Variants in FNDC8 observed in about 807,000 individuals in gnomAD.
FNDC8 encodes fibronectin type III domain-containing protein 8.
FNDC8 carries 23 observed loss-of-function variants against 24.8 expected under a neutral mutation model. That is an observed-to-expected ratio of 0.93 (90% CI 0.67 to 1.31). The LOEUF (loss-of-function observed/expected upper bound fraction) is 1.31. Ranked by LOEUF, FNDC8 falls within the 40% of genes most tolerant of loss-of-function variation. FNDC8 has a pLI of 0.00. For missense variants in FNDC8, 371 were observed against 398.2 expected, an observed-to-expected ratio of 0.93 and a Z score of 0.58; for synonymous variants, 158 against 165.3, an observed-to-expected ratio of 0.96 and a Z score of 0.34.
In FNDC8 at chr17:35,130,465, C is replaced by T; in HGVS notation, c.*31C>T. 6.2e-7 allele frequency: 1 copy of T among 1,602,200 alleles called. No homozygotes were observed. The highest frequency in any genetic ancestry group is 8.5e-7 in the Non-Finnish European group (1 of 1,173,456). On this transcript the variant is annotated 3_prime_UTR_variant, in exon 4 of 4. Transcript: ENST00000158009. ...AGGGCCCCAGGACACCCCTCACCTA[C>T]TTTCAGCTTCAACCCCAGGCCCTCA... is the stretch of plus-strand genomic sequence containing the variant.
At chr17:35,122,183 TA>T (rs1567738458) in intron 1 of FNDC8, among the ~76,000 whole-genome samples, 4 of 25,454 alleles carry the variant, frequency 1.6e-4, no homozygotes, top group African/African-American at 8.2e-4. Context: ...TATATATATA[TA>T]TATATATATA....
At position 35,121,738 on chromosome 17, in the gene FNDC8, T is replaced by C. The variant is rs1270473361; in HGVS notation, c.45T>C (p.Ala15=). ...ALHQVGDGEE[A]VLKKENFNMM... is the part of the protein sequence containing the mutation. The stretch of plus-strand genomic sequence containing the variant: ...ATCAAGTGGGAGATGGGGAGGAGGC[T>C]GTACTGAAGAAAGAAAACTTCAACA... The change falls in exon 1 of 4, where the codon GCT becomes GCC. Residue 15 remains alanine, a synonymous_variant. Coordinates refer to ENST00000158009, the MANE Select transcript of FNDC8 (RefSeq NM_017559.4). 4 of 1,613,854 alleles carry C rather than the reference T, an allele frequency of 2.5e-6. No individual in the cohort carries two copies. In the Admixed American group the frequency reaches 5.0e-5, roughly 20 times the overall value.
Position 35,121,732 on chromosome 17 carries a change from G to A in FNDC8, c.39G>A (p.Glu13=), listed in dbSNP as rs946397453. The A allele has an allele frequency of 1.9e-6, 3 of 1,613,898 alleles. No homozygotes were observed. Among genetic ancestry groups the A allele is most frequent in the Admixed American group, 3.3e-5 (2 of 59,994 alleles). The change falls in exon 1 of 4, where the codon GAG becomes GAA. Residue 13 remains glutamate, a synonymous_variant. Coordinates refer to ENST00000158009, the MANE Select transcript of FNDC8 (RefSeq NM_017559.4). Reference sequence around the variant, plus strand: ...CACTCCATCAAGTGGGAGATGGGGAGGAGGCTGTACTGAAGAAAGAAAACT... The same window carrying A: ...CACTCCATCAAGTGGGAGATGGGGAAGAGGCTGTACTGAAGAAAGAAAACT... The part of the protein sequence containing the change: ...SEALHQVGDG[E]EAVLKKENFN...
intron 1 of FNDC8, among the ~76,000 whole-genome samples, 196 bp from the exon 2 acceptor site, chr17:35,126,846 G>A (rs963615789): frequency 6.6e-6 from 1 of 152,206 alleles, no homozygotes; most frequent in Non-Finnish European, 1.5e-5. Context: ...GCTAACTGGG[G>A]ACCAGGGACT....
At chr17:35,123,853 G>A (rs1246746167) in intron 1 of FNDC8, among the ~76,000 whole-genome samples, 1 of 152,224 alleles carries the variant, frequency 6.6e-6, no homozygotes, top group East Asian at 1.9e-4. Flanking sequence ...TCAGGAGGAG[G>A]AGATGTTCAG....
intron 1 of FNDC8, among the ~76,000 whole-genome samples, chr17:35,122,544 G>A (rs901888574): frequency 1.4e-4 from 22 of 152,022 alleles, no homozygotes; most frequent in African/African-American, 5.1e-4. Context: ...TAGTCAGTTT[G>A]TTGACAGTGC....
chr17:35,126,806 T>G (rs545379975), intron 1 of FNDC8, among the ~76,000 whole-genome samples: 1 of 152,340 alleles, frequency 6.6e-6, no homozygotes, highest in East Asian at 1.9e-4. Context: ...AGCCAGGATC[T>G]TATTAAAGAT....
chr17:35,122,210 A>ATATATATATT (rs1567738668), intron 1 of FNDC8, among the ~76,000 whole-genome samples: 3 of 44,798 alleles, frequency 6.7e-5, no homozygotes, highest in Non-Finnish European at 1.3e-4. Flanking sequence ...ATATATATAA[A>ATATATATATT]TTTTTTTTTT....
At position 35,127,239 on chromosome 17, in the gene FNDC8, C is replaced by T. The variant is rs139338261; in HGVS notation, c.407C>T (p.Ala136Val). Residue 136 changes from alanine to valine, a missense_variant, in exon 2 of 4, where the codon GCG (alanine) becomes GTG (valine). Physicochemically the swap from Ala to Val is moderately conservative, Grantham distance 64 (BLOSUM62 0). Coordinates refer to ENST00000158009, the MANE Select transcript of FNDC8 (RefSeq NM_017559.4). ...AAGAATGCAGAAAATGAGGACCTGG[C>T]GCTCGGCCCCTGCCCATGCCCATCG... is the stretch of plus-strand genomic sequence containing the variant. Reference protein sequence around the residue: ...MAKNAENEDLALGPCPCPSKS... With the variant: ...MAKNAENEDLVLGPCPCPSKS... The T allele has an allele frequency of 6.2e-5, 100 of 1,613,432 alleles. No homozygotes were observed. The highest frequency in any genetic ancestry group is 3.7e-4 in the Admixed American group (22 of 59,936).
At chr17:35,125,047 CAAA>C (rs60189697) in intron 1 of FNDC8, among the ~76,000 whole-genome samples, 5 of 62,488 alleles carry the variant, frequency 8.0e-5, no homozygotes, top group Non-Finnish European at 7.2e-5. Flanking sequence ...GACTCCAGCT[CAAA>C]AAAAAAAAAA....
chr17:35,130,524 G>A lies in FNDC8; in HGVS notation c.*90G>A, dbSNP rs978826820. On this transcript the variant is annotated 3_prime_UTR_variant, in exon 4 of 4. Coordinates refer to ENST00000158009, the MANE Select transcript of FNDC8 (RefSeq NM_017559.4). Reference sequence around the variant, plus strand: ...AGCCATGAGACCTACCATACCACCAGCACCCTGCGGGCCCGGGGTCTGGCA... The same window carrying A: ...AGCCATGAGACCTACCATACCACCAACACCCTGCGGGCCCGGGGTCTGGCA... 9 of 1,372,614 alleles carry A rather than the reference G, an allele frequency of 6.6e-6. No individual in the cohort carries two copies. The Admixed American group carries it at 1.8e-4, about 27-fold the overall frequency. 85.0% of individuals were successfully genotyped at this position (1,372,614 alleles called of 1,614,324 possible).
At position 35,130,405 on chromosome 17, in the gene FNDC8, G is replaced by A; in HGVS notation, c.946G>A (p.Glu316Lys). 6.2e-7 allele frequency: 1 copy of A among 1,614,084 alleles called. No individual in the cohort carries two copies. The highest frequency in any genetic ancestry group is 8.5e-7 in the Non-Finnish European group (1 of 1,179,994). The change falls in exon 4 of 4, where the codon GAG becomes AAG. Residue 316 changes from glutamate (E) to lysine (K), a missense_variant. By Grantham distance (56) the Glu-to-Lys change is moderately conservative. Transcript: ENST00000158009. The stretch of plus-strand genomic sequence containing the variant: ...CGGGCCGGAGGAGATGCGGAGGCTG[G>A]AGGATCTGGAATACCTATTTCCCTG... ...SIGPEEMRRLEDLEYLFPC is the reference protein window; with the variant it reads ...SIGPEEMRRLKDLEYLFPC
chr17:35,125,695 C>T (rs2091846316), intron 1 of FNDC8, among the ~76,000 whole-genome samples: 1 of 152,098 alleles, frequency 6.6e-6, no homozygotes, highest in Non-Finnish European at 1.5e-5. Flanking sequence ...CTTTACTGTA[C>T]TCATTACTTG....
intron 3 of FNDC8, chr17:35,129,948 G>C: frequency 7.3e-7 from 1 of 1,373,900 alleles, no homozygotes. Context: ...GCCCATGATT[G>C]TGAGTAGGCT....
Position 35,125,596 on chromosome 17 carries a change from G to A in FNDC8, c.210-1446G>A, listed in dbSNP as rs190586052. Among the ~76,000 whole-genome samples the A allele has an allele frequency of 8.9e-4, 135 of 152,262 alleles. 1 individual carries two copies. Among genetic ancestry groups the A allele is most frequent in the Middle Eastern group, 6.8e-3 (2 of 294 alleles). The stretch of plus-strand genomic sequence containing the variant: ...TTTTATTTGTACAACATCTACAAAC[G>A]TGAAAAATAATAGATCTTGCCTAGG... On this transcript the variant is annotated intron_variant, in intron 1 of 3. Coordinates refer to ENST00000158009, the MANE Select transcript of FNDC8 (RefSeq NM_017559.4).
intron 1 of FNDC8, among the ~76,000 whole-genome samples, chr17:35,122,210 A>T (rs67396775): frequency 0.42 from 18,690 of 44,580 alleles, 5,523 homozygotes; most frequent in Admixed American, 0.62. Flanking sequence ...ATATATATAA[A>T]TTTTTTTTTT....
In FNDC8 at chr17:35,130,587, G is replaced by A. The variant is rs546727046; in HGVS notation, c.*153G>A. 5.1e-6 allele frequency: 4 copies of A among 790,538 alleles called. No homozygotes were observed. The African/African-American group carries it at 7.0e-5, about 14-fold the overall frequency. 49.0% of individuals were successfully genotyped at this position (790,538 alleles called of 1,614,324 possible). A position where few individuals can be genotyped will look rare whatever the true frequency, so the allele number is the denominator to read the frequency against. ...CACCCCACCCCTGGGCTGGGGCCAA[G>A]GCTACATAGGGGCCCCATTCACCTG... On this transcript the variant is annotated 3_prime_UTR_variant, in exon 4 of 4. Coordinates refer to ENST00000158009, the MANE Select transcript of FNDC8 (RefSeq NM_017559.4).
At position 35,129,367 on chromosome 17, in the gene FNDC8, G is replaced by T. The variant is rs2091862314; in HGVS notation, c.586-55G>T. The T allele has an allele frequency of 4.4e-6, 7 of 1,582,890 alleles. No individual in the cohort carries two copies. In the East Asian group the frequency reaches 1.3e-4, roughly 30 times the overall value. ...CCTGACCCCAGTTGGGAGGGTGAAG[G>T]GACAGGAAGGACAGGACATATCTGA... On this transcript the variant is annotated intron_variant, in intron 2 of 3. Transcript: ENST00000158009.
Position 35,127,379 on chromosome 17 carries a change from T to C in FNDC8, c.547T>C (p.Phe183Leu). The change falls in exon 2 of 4, where the codon TTC (phenylalanine) becomes CTC (leucine). Residue 183 changes from phenylalanine to leucine, a missense_variant. Physicochemically the swap from Phe to Leu is conservative, Grantham distance 22. Transcript: ENST00000158009. ...SVVVDLPDTP[F>L]IFEHTVNNST... ...GGTTGTGGACCTGCCGGACACCCCCTTCATCTTTGAGCACACCGTCAACAA... is the reference window on the plus strand; with the variant it reads ...GGTTGTGGACCTGCCGGACACCCCCCTCATCTTTGAGCACACCGTCAACAA... The C allele has an allele frequency of 6.3e-7, 1 of 1,580,100 alleles. No homozygotes were observed. The highest frequency in any genetic ancestry group is 8.6e-7 in the Non-Finnish European group (1 of 1,163,980).
Sources: allele counts gnomAD v4.1 joint callset (sites outside exome capture counted in the v4.1 genomes callset), GRCh38; gene constraint gnomAD v4.1.1; transcripts MANE v1.5; gene names NCBI Gene and HGNC (gene_info 2026-07-23, HGNC 2026-07-21).